ARL15: variants seen among roughly 807,000 people sequenced by gnomAD.
ARL15 encodes the protein ARF like GTPase 15, also known as ADP-ribosylation factor-like protein 15.
ARL15 carries 19 observed loss-of-function variants against 25.2 expected under a neutral mutation model. That is an observed-to-expected ratio of 0.75 (90% CI 0.53 to 1.10). The LOEUF (loss-of-function observed/expected upper bound fraction) is 1.10. Ranked by LOEUF, ARL15 falls within the 50% of genes least tolerant of loss-of-function variation. The pLI, the probability that ARL15 is intolerant of heterozygous loss-of-function variation, is 0.00. For synonymous variants in ARL15, 94 were observed against 86.8 expected (o/e 1.08, Z -0.46); for missense variants, 220 against 246.0 (o/e 0.89, Z 0.71).
chr5:54,207,234 G>T (rs1458193935), intron 1 of ARL15, among the ~76,000 whole-genome samples: 2 of 152,244 alleles, frequency 1.3e-5, no homozygotes, highest in Non-Finnish European at 2.9e-5. Flanking sequence ...ACAAATGTAT[G>T]TGGGTATCTG....
intron 4 of ARL15, among the ~76,000 whole-genome samples, chr5:54,018,289 T>G (rs893018096): frequency 1.3e-5 from 2 of 152,230 alleles, no homozygotes; most frequent in Admixed American, 1.3e-4. Context: ...CAACAGTATG[T>G]CATTAAGTCT....
At chr5:54,243,379 T>C (rs1439620731) in intron 1 of ARL15, among the ~76,000 whole-genome samples, 1 of 152,232 alleles carries the variant, frequency 6.6e-6, no homozygotes, top group East Asian at 1.9e-4. Context: ...AAGCTGAAAT[T>C]ATCCGCCCTT....
intron 3 of ARL15, among the ~76,000 whole-genome samples, chr5:54,149,280 C>T (rs190420813): frequency 9.2e-5 from 14 of 152,184 alleles, no homozygotes; most frequent in Admixed American, 9.2e-4. Flanking sequence ...ACGCACAGTG[C>T]CAAAACTATG....
At chr5:54,038,780 G>T (rs757807755) in intron 4 of ARL15, among the ~76,000 whole-genome samples, 2 of 151,936 alleles carry the variant, frequency 1.3e-5, no homozygotes, top group Non-Finnish European at 2.9e-5. Flanking sequence ...CAAATACTAA[G>T]ACATTTGCTG....
chr5:53,979,435 G>A (rs1269979835), intron 4 of ARL15, among the ~76,000 whole-genome samples: 1 of 152,156 alleles, frequency 6.6e-6, no homozygotes, highest in East Asian at 1.9e-4. Context: ...GCTACTTGGA[G>A]AGGCTGAACT....
intron 4 of ARL15, among the ~76,000 whole-genome samples, chr5:54,102,414 G>A (rs1198120277): frequency 1.3e-5 from 2 of 152,098 alleles, no homozygotes; most frequent in Non-Finnish European, 2.9e-5. Context: ...TTTGTGCCAT[G>A]TTTTGGAAAA....
At chr5:54,025,617 T>C (rs1749768130) in intron 4 of ARL15, among the ~76,000 whole-genome samples, 1 of 152,120 alleles carries the variant, frequency 6.6e-6, no homozygotes, top group Admixed American at 6.5e-5. Context: ...TTCCTCAGTT[T>C]AGTGGGAAAG....
chr5:54,175,270 A>G (rs1389057695), intron 1 of ARL15, among the ~76,000 whole-genome samples: 1 of 152,096 alleles, frequency 6.6e-6, no homozygotes, highest in Non-Finnish European at 1.5e-5. Context: ...CACTTCTGAC[A>G]TAAAAGATGA....
intron 3 of ARL15, among the ~76,000 whole-genome samples, chr5:54,115,341 A>G (rs1400856779): frequency 6.6e-6 from 1 of 152,046 alleles, no homozygotes; most frequent in Non-Finnish European, 1.5e-5. Flanking sequence ...TAAATTTGAG[A>G]TGGGTTCTCG....
intron 2 of ARL15, among the ~76,000 whole-genome samples, chr5:54,161,986 T>TACACAC (rs1166499652): frequency 1.1e-5 from 1 of 94,274 alleles, no homozygotes; most frequent in African/African-American, 4.8e-5. Flanking sequence ...CTTCTTTACT[T>TACACAC]ACACACACAC....
At chr5:54,241,644 G>A (rs1037651728) in intron 1 of ARL15, among the ~76,000 whole-genome samples, 1 of 152,046 alleles carries the variant, frequency 6.6e-6, no homozygotes, top group African/African-American at 2.4e-5. Flanking sequence ...CATGAGAGTA[G>A]GTCATCTTAA....
chr5:53,914,772 CTT>C lies in ARL15; in HGVS notation c.463-28061_463-28060del, dbSNP rs748994851. 2.8e-4 allele frequency among the ~76,000 whole-genome samples: 43 copies of C among 152,118 alleles called. 1 individual carries two copies. Among genetic ancestry groups the C allele is most frequent in the Non-Finnish European group, 5.9e-4 (40 of 68,014 alleles). On this transcript the variant is annotated intron_variant, in intron 4 of 4. Coordinates refer to ENST00000504924, the MANE Select transcript of ARL15 (RefSeq NM_019087.3). Reference sequence around the variant, plus strand: ...AGGAATCTTTTCTTCTTTTCTTTCTCTTTCTTTTTATCTTCTTTTTCTTTTTC... The same window carrying C: ...AGGAATCTTTTCTTCTTTTCTTTCTCTCTTTTTATCTTCTTTTTCTTTTTC...
intron 4 of ARL15, among the ~76,000 whole-genome samples, chr5:54,007,712 T>C (rs181644432): frequency 2.0e-5 from 3 of 152,192 alleles, no homozygotes; most frequent in Admixed American, 2.0e-4. Context: ...GAGCACAATA[T>C]TGACATGTTA....
chr5:54,132,293 G>T (rs1035057251), intron 3 of ARL15, among the ~76,000 whole-genome samples: 11 of 151,698 alleles, frequency 7.3e-5, no homozygotes, highest in Non-Finnish European at 1.6e-4. Context: ...TAATGAATAT[G>T]TTTATTAAAT....
At chr5:54,227,327 G>A (rs1756552340) in intron 1 of ARL15, among the ~76,000 whole-genome samples, 1 of 152,194 alleles carries the variant, frequency 6.6e-6, no homozygotes, top group Admixed American at 6.5e-5. Flanking sequence ...ACATCCTCCT[G>A]CAGCAAGCAA....
intron 4 of ARL15, among the ~76,000 whole-genome samples, chr5:54,094,386 A>C (rs1752220713): frequency 6.6e-6 from 1 of 152,074 alleles, no homozygotes; most frequent in Non-Finnish European, 1.5e-5. Context: ...TTGATTAGGA[A>C]TAAAACATGG....
At chr5:54,165,356 T>C (rs183410398) in intron 2 of ARL15, among the ~76,000 whole-genome samples, 32 of 152,184 alleles carry the variant, frequency 2.1e-4, no homozygotes, top group Middle Eastern at 3.4e-3. Context: ...TATCATTTTT[T>C]TTCTGACTCA....
chr5:53,893,469 G>A lies in ARL15; in HGVS notation c.463-6756C>T, dbSNP rs1302169018. Among the ~76,000 whole-genome samples the A allele has an allele frequency of 3.9e-5, 6 of 152,090 alleles. No homozygotes were observed. The East Asian group carries it at 9.7e-4, about 25-fold the overall frequency. On this transcript the variant is annotated intron_variant, in intron 4 of 4. Transcript: ENST00000504924. ...AAAGATACAAAAAAATTAGCAGGGC[G>A]TGGTGGTGGGCGCCTGTAGTCCCAG...
At chr5:53,942,842 G>C (rs745552676) in intron 4 of ARL15, among the ~76,000 whole-genome samples, 3 of 152,046 alleles carry the variant, frequency 2.0e-5, no homozygotes, top group Non-Finnish European at 4.4e-5. Context: ...AATGAGGCCC[G>C]CATTCCACTA....
Sources: allele counts gnomAD v4.1 joint callset (sites outside exome capture counted in the v4.1 genomes callset), GRCh38; gene constraint gnomAD v4.1.1; transcripts MANE v1.5; gene names NCBI Gene and HGNC (gene_info 2026-07-23, HGNC 2026-07-21).